RGL1: variants seen among roughly 807,000 people sequenced by gnomAD.
RGL1 encodes the protein ral guanine nucleotide dissociation stimulator like 1.
In RGL1, 24 loss-of-function variants were observed where a neutral mutation model predicts 95.2. The ratio of observed to expected loss-of-function variants is 0.25; its 90% CI spans 0.18 to 0.35. The LOEUF (loss-of-function observed/expected upper bound fraction) is 0.35. Among genes scored for constraint, RGL1 ranks in the 10% least tolerant of loss-of-function variants. The pLI is 1.00. For synonymous variants in RGL1, 329 were observed against 344.9 expected (o/e 0.95, Z 0.51); for missense variants, 715 against 936.3 (o/e 0.76, Z 3.08).
rs145137345 is a variant in RGL1, at chr1:183,857,575, G to A, written c.348-8421G>A. 3.3e-3 allele frequency among the ~76,000 whole-genome samples: 505 copies of A among 152,264 alleles called. 2 individuals are homozygous for A. Among genetic ancestry groups the A allele is most frequent in the African/African-American group, 0.011 (474 of 41,546 alleles). ...GGACATCATGCCCTGTTCAGTTTCG[G>A]TCCACACACTCAGCTCCAGGAAGCA... On this transcript the variant is annotated intron_variant, in intron 3 of 17. Transcript: ENST00000360851.
chr1:183,881,204 T>G (rs1425774375), intron 5 of RGL1, among the ~76,000 whole-genome samples: 2 of 152,208 alleles, frequency 1.3e-5, no homozygotes, highest in Admixed American at 1.3e-4. Flanking sequence ...TAATGGCTCC[T>G]TCTAGCCTTC....
At chr1:183,712,331 T>C (rs1655333363) in intron 1 of RGL1, among the ~76,000 whole-genome samples, 3 of 152,220 alleles carry the variant, frequency 2.0e-5, no homozygotes, top group Non-Finnish European at 4.4e-5. Flanking sequence ...TCAACTCTAA[T>C]GGGAGAGAAA....
intron 16 of RGL1, among the ~76,000 whole-genome samples, chr1:183,920,979 G>A (rs186903830): frequency 5.9e-5 from 9 of 152,234 alleles, no homozygotes; most frequent in African/African-American, 1.9e-4. Flanking sequence ...GGGGGGTCGT[G>A]GGGGGCTTTC....
At chr1:183,903,223 A>C (rs189542055) in intron 12 of RGL1, among the ~76,000 whole-genome samples, 15 of 152,252 alleles carry the variant, frequency 9.9e-5, no homozygotes, top group African/African-American at 3.6e-4. Context: ...AGAGTTAATA[A>C]AGATGGTAAA....
At chr1:183,883,753 G>T in intron 5 of RGL1, 33 bp from the exon 6 acceptor site, 1 of 1,612,018 alleles carries the variant, frequency 6.2e-7, no homozygotes. Context: ...ATACACTGGC[G>T]CCAAATTACT....
At chr1:183,849,503 T>TTTA (rs1664687215) in intron 3 of RGL1, among the ~76,000 whole-genome samples, 1 of 140,138 alleles carries the variant, frequency 7.1e-6, no homozygotes, top group Admixed American at 7.1e-5. Flanking sequence ...TTTTTTTTTT[T>TTTA]TTTGTTGAGA....
intron 11 of RGL1, 109 bp downstream of exon 11, chr1:183,900,345 T>C (rs762971199): frequency 1.3e-6 from 1 of 791,762 alleles, no homozygotes; most frequent in Non-Finnish European, 2.1e-6. Context: ...GTACATGGCA[T>C]TGTGCTAGCT....
intron 1 of RGL1, among the ~76,000 whole-genome samples, chr1:183,707,514 C>T (rs755993814): frequency 6.6e-5 from 10 of 151,954 alleles, no homozygotes; most frequent in East Asian, 1.9e-4. Flanking sequence ...GGCACCTGAG[C>T]GAGTATGGGA....
intron 15 of RGL1, 36 bp from the exon 16 acceptor site, chr1:183,916,411 A>C: frequency 6.2e-7 from 1 of 1,608,192 alleles, no homozygotes; most frequent in Admixed American, 1.7e-5. Context: ...CCAGCGTTCT[A>C]ATCTGTTTTC....
rs144995019 is a variant in RGL1 at position 183,729,963 on chromosome 1, T to C, written c.-32-12163T>C. On this transcript the variant is annotated intron_variant, in intron 1 of 18. Coordinates refer to the RGL1 transcript ENST00000304685. ...GTTCATGGTTGCCCGGGGCCAGTGA[T>C]AGGGTGAGATCGGCTGGGAAGGGGC... Among the ~76,000 whole-genome samples, 735 of 152,230 alleles carry C rather than the reference T, an allele frequency of 4.8e-3. 10 individuals carry two copies. The highest frequency in any genetic ancestry group is 0.016 in the African/African-American group (661 of 41,540).
At position 183,779,280 on chromosome 1, in the gene RGL1, G is replaced by A. The variant is rs1369670994; in HGVS notation, c.133-27095G>A. 5.1e-5 allele frequency among the ~76,000 whole-genome samples: 7 copies of A among 137,964 alleles called. No individual in the cohort carries two copies. The South Asian group carries it at 6.9e-4, about 14-fold the overall frequency. 90.5% of individuals were successfully genotyped at this position (137,964 alleles called of 152,430 possible). A position where few individuals can be genotyped will look rare whatever the true frequency, so the allele number is the denominator to read the frequency against. Reference sequence around the variant, plus strand: ...TTCTTTCTTATAGTCTTGCTTTGTCGTCCAGGCTGGAATGCAATGTCACCC... The same window carrying A: ...TTCTTTCTTATAGTCTTGCTTTGTCATCCAGGCTGGAATGCAATGTCACCC... On this transcript the variant is annotated intron_variant, in intron 2 of 18. Transcript: ENST00000304685.
chr1:183,690,862 T>C (rs1653904426), intron 1 of RGL1, among the ~76,000 whole-genome samples: 2 of 152,168 alleles, frequency 1.3e-5, no homozygotes, highest in Non-Finnish European at 2.9e-5. Flanking sequence ...GTTTATGACA[T>C]CAAGTAGTGA....
intron 1 of RGL1, among the ~76,000 whole-genome samples, chr1:183,688,162 T>C (rs1653728892): frequency 6.6e-6 from 1 of 152,184 alleles, no homozygotes; most frequent in Non-Finnish European, 1.5e-5. Context: ...TGATTATCAT[T>C]ATCTCACCAT....
chr1:183,723,098 A>G (rs1218081733), intron 1 of RGL1, among the ~76,000 whole-genome samples: 2 of 152,178 alleles, frequency 1.3e-5, no homozygotes, highest in African/African-American at 4.8e-5. Context: ...ATTTTATGTA[A>G]AATATTGTAA....
intron 3 of RGL1, among the ~76,000 whole-genome samples, chr1:183,852,798 G>A (rs1664904960): frequency 6.8e-6 from 1 of 148,148 alleles, no homozygotes; most frequent in Non-Finnish European, 1.5e-5. Context: ...GTAAGACTTG[G>A]TCTCAAAAAA....
chr1:183,843,896 C>T (rs537172274), intron 2 of RGL1, among the ~76,000 whole-genome samples: 1 of 152,198 alleles, frequency 6.6e-6, no homozygotes, highest in Admixed American at 6.5e-5. Flanking sequence ...GCACAATCTC[C>T]AGCCCACTGC....
chr1:183,802,962 G>T (rs539647987), upstream of RGL1, among the ~76,000 whole-genome samples: 14 of 152,196 alleles, frequency 9.2e-5, no homozygotes, highest in South Asian at 2.9e-3. Flanking sequence ...TAACCCAAAG[G>T]TACAGGTAAT....
intron 2 of RGL1, among the ~76,000 whole-genome samples, chr1:183,767,411 C>T (rs909025364): frequency 2.6e-5 from 4 of 152,136 alleles, no homozygotes; most frequent in African/African-American, 4.8e-5. Flanking sequence ...GTGTTACCCA[C>T]AGCCTAAAAT....
chr1:183,859,165 G>C (rs1665350617), intron 3 of RGL1, among the ~76,000 whole-genome samples: 1 of 152,190 alleles, frequency 6.6e-6, no homozygotes, highest in African/African-American at 2.4e-5. Flanking sequence ...TGCAGTTGGT[G>C]GTTTAGCATT....
Sources: allele counts gnomAD v4.1 joint callset (sites outside exome capture counted in the v4.1 genomes callset), GRCh38; gene constraint gnomAD v4.1.1; transcripts MANE v1.5; gene names NCBI Gene and HGNC (gene_info 2026-07-23, HGNC 2026-07-21).